Variants in WARS2 observed in about 807,000 individuals in gnomAD.
The protein encoded by WARS2 is tryptophanyl tRNA synthetase 2, mitochondrial.
Under a neutral mutation model 36.5 loss-of-function variants are expected in WARS2, and 28 were observed. The observed-to-expected ratio is 0.77, with a 90% CI of 0.57 to 1.05. The LOEUF (loss-of-function observed/expected upper bound fraction) is 1.05, where lower values mean the gene tolerates loss of function less well. Ranked by LOEUF, WARS2 falls within the 50% of genes least tolerant of loss-of-function variation. WARS2 has a pLI of 0.00. For missense variants in WARS2, 435 were observed against 456.8 expected (o/e 0.95, Z 0.44); for synonymous variants, 174 against 178.4 (o/e 0.98, Z 0.20).
intron 1 of WARS2, among the ~76,000 whole-genome samples, chr1:119,096,646 T>C (rs1037921159): frequency 6.6e-6 from 1 of 152,040 alleles, no homozygotes; most frequent in Non-Finnish European, 1.5e-5. Flanking sequence ...AATTTTTAAA[T>C]GTTGTACATA....
At chr1:119,130,676 T>A (rs1656040799) in intron 1 of WARS2, among the ~76,000 whole-genome samples, 2 of 152,246 alleles carry the variant, frequency 1.3e-5, no homozygotes, top group African/African-American at 4.8e-5. Context: ...TTGATGACAA[T>A]GCTATGCACT....
At chr1:119,102,378 A>C (rs587734731) in intron 1 of WARS2, among the ~76,000 whole-genome samples, 52 of 152,264 alleles carry the variant, frequency 3.4e-4, no homozygotes, top group African/African-American at 1.2e-3. Context: ...AATTCAGTAC[A>C]TTGTACCAAC....
At chr1:119,080,615 G>C (rs991177922) in intron 1 of WARS2, among the ~76,000 whole-genome samples, 1 of 152,186 alleles carries the variant, frequency 6.6e-6, no homozygotes, top group African/African-American at 2.4e-5. Flanking sequence ...AATATACAGA[G>C]AGCATCCTGC....
intron 1 of WARS2, among the ~76,000 whole-genome samples, chr1:119,100,380 G>A (rs915844098): frequency 6.6e-6 from 1 of 152,162 alleles, no homozygotes; most frequent in African/African-American, 2.4e-5. Flanking sequence ...AAAACTGTAT[G>A]GAGATGTCTT....
chr1:119,102,178 G>A (rs1571359866), intron 1 of WARS2, among the ~76,000 whole-genome samples: 1 of 152,196 alleles, frequency 6.6e-6, no homozygotes, highest in African/African-American at 2.4e-5. Context: ...CAAACACCGT[G>A]TTGAGGAGTG....
chr1:119,138,586 CT>C (rs1418557102), intron 1 of WARS2, among the ~76,000 whole-genome samples: 4 of 152,076 alleles, frequency 2.6e-5, no homozygotes, highest in African/African-American at 9.7e-5. Flanking sequence ...CCCTTCCAGG[CT>C]TTTTTTCTAT....
intron 1 of WARS2, among the ~76,000 whole-genome samples, chr1:119,088,951 G>A (rs1652858125): frequency 6.6e-6 from 1 of 152,198 alleles, no homozygotes; most frequent in African/African-American, 2.4e-5. Context: ...CAACACTCGA[G>A]CACTGTAAGT....
At chr1:119,072,665 G>C (rs1391868346) in intron 2 of WARS2, among the ~76,000 whole-genome samples, 1 of 152,050 alleles carries the variant, frequency 6.6e-6, no homozygotes, top group Non-Finnish European at 1.5e-5. Context: ...ACTCAAACAA[G>C]CCTACTATAA....
At chr1:119,120,040 A>G (rs983282873) in intron 1 of WARS2, among the ~76,000 whole-genome samples, 1 of 152,170 alleles carries the variant, frequency 6.6e-6, no homozygotes, top group Non-Finnish European at 1.5e-5. Context: ...CAAACCCAGC[A>G]GAAGAAAAAT....
intron 1 of WARS2, among the ~76,000 whole-genome samples, chr1:119,136,853 T>A (rs1055105545): frequency 6.6e-6 from 1 of 152,214 alleles, no homozygotes; most frequent in African/African-American, 2.4e-5. Context: ...TGAAATAAGG[T>A]GGCAATACCT....
chr1:119,053,630 G>A (rs1557944837), intron 2 of WARS2, among the ~76,000 whole-genome samples: 1 of 152,076 alleles, frequency 6.6e-6, no homozygotes, highest in Non-Finnish European at 1.5e-5. Context: ...GAACTACATC[G>A]AAATTTAAAA....
chr1:119,115,370 G>A (rs1485307761), intron 1 of WARS2, among the ~76,000 whole-genome samples: 1 of 151,998 alleles, frequency 6.6e-6, no homozygotes, highest in East Asian at 1.9e-4. Context: ...TATTTTGCTG[G>A]GATATATATT....
At chr1:119,055,728 A>G (rs1048576147) in intron 2 of WARS2, among the ~76,000 whole-genome samples, 1 of 149,808 alleles carries the variant, frequency 6.7e-6, no homozygotes, top group African/African-American at 2.4e-5. Flanking sequence ...AAGGAGGAGG[A>G]GGAGAAGAGG....
At chr1:119,095,639 G>A (rs963075516) in intron 1 of WARS2, among the ~76,000 whole-genome samples, 1 of 152,068 alleles carries the variant, frequency 6.6e-6, no homozygotes, top group African/African-American at 2.4e-5. Flanking sequence ...CACCATCTTG[G>A]CCAGGCTGGT....
rs752628633 is a variant in WARS2 at position 119,042,325 on chromosome 1, C to T, written c.454G>A (p.Asp152Asn). ...WKAKTTKQKH[D>N]GTVGLLTYPV... ...TATGTGAGCAGGCCCACCGTGCCAT[C>T]GTGCTTCTGCTTGGTAGTCTTTGCC... Residue 152 changes from aspartate (D) to asparagine (N), a missense_variant, in exon 4 of 6, where the codon GAT becomes AAT. Asp to Asn is a conservative substitution (Grantham distance 23). Transcript: ENST00000235521. 3.7e-6 allele frequency: 6 copies of T among 1,613,740 alleles called. No individual in the cohort carries two copies. Among genetic ancestry groups the T allele is most frequent in the South Asian group, 3.3e-5 (3 of 91,052 alleles).
At chr1:119,101,240 C>A (rs1044544377) in intron 1 of WARS2, among the ~76,000 whole-genome samples, 1 of 151,916 alleles carries the variant, frequency 6.6e-6, no homozygotes. Flanking sequence ...GTATTATATA[C>A]GTGTAACAAA....
intron 1 of WARS2, among the ~76,000 whole-genome samples, chr1:119,099,064 G>A (rs1653673192): frequency 6.6e-6 from 1 of 152,142 alleles, no homozygotes; most frequent in African/African-American, 2.4e-5. Flanking sequence ...AATGTTCTGT[G>A]AAAGAGGCAT....
intron 1 of WARS2, among the ~76,000 whole-genome samples, chr1:119,134,712 T>C (rs1023234410): frequency 6.6e-6 from 1 of 152,230 alleles, no homozygotes; most frequent in African/African-American, 2.4e-5. Context: ...TCTGTGCCTA[T>C]AAATTATCTC....
At chr1:119,076,875 C>T (rs987529546) in intron 1 of WARS2, among the ~76,000 whole-genome samples, 3 of 151,980 alleles carry the variant, frequency 2.0e-5, no homozygotes, top group African/African-American at 4.8e-5. Flanking sequence ...CGTGGTGGCT[C>T]GTGCCTGTAA....
Sources: allele counts gnomAD v4.1 joint callset (sites outside exome capture counted in the v4.1 genomes callset), GRCh38; gene constraint gnomAD v4.1.1; transcripts MANE v1.5; gene names NCBI Gene and HGNC (gene_info 2026-07-23, HGNC 2026-07-21).